SPSB4: variants seen among roughly 807,000 people sequenced by gnomAD.
The protein encoded by SPSB4 is splA/ryanodine receptor domain and SOCS box containing 4, also known as SPRY domain-containing SOCS box protein 4.
SPSB4 carries 21 observed loss-of-function variants against 20.9 expected under a neutral mutation model. The ratio of observed to expected loss-of-function variants is 1.01; its 90% CI spans 0.71 to 1.45. The LOEUF is 1.45. Ranked by LOEUF, SPSB4 falls within the 40% of genes most tolerant of loss-of-function variation. SPSB4 has a pLI of 0.00. For missense variants in SPSB4, 399 were observed against 399.2 expected (o/e 1.00, Z 0.00); for synonymous variants, 207 against 183.8 (o/e 1.13, Z -1.02).
At chr3:141,068,393 C>T (rs1265547058) in intron 2 of SPSB4, among the ~76,000 whole-genome samples, 1 of 152,194 alleles carries the variant, frequency 6.6e-6, no homozygotes, top group Non-Finnish European at 1.5e-5. Flanking sequence ...CCTTCTGAGA[C>T]ATAGTGACCA....
intron 2 of SPSB4, among the ~76,000 whole-genome samples, chr3:141,088,254 C>T (rs759884467): frequency 5.9e-5 from 9 of 152,178 alleles, no homozygotes. Context: ...AAAGGGCGCA[C>T]AGTTAAATGT....
chr3:141,064,959 A>G (rs1937835835), intron 1 of SPSB4, among the ~76,000 whole-genome samples: 1 of 152,196 alleles, frequency 6.6e-6, no homozygotes, highest in African/African-American at 2.4e-5. Context: ...ACCCATCCAA[A>G]GGGAGGGGAT....
At position 141,051,739 on chromosome 3, in the gene SPSB4, C is replaced by A. The variant is rs575723428; in HGVS notation, c.-407C>A. 1 of 152,340 alleles carries A rather than the reference C, an allele frequency of 6.6e-6. No homozygotes were observed. Among genetic ancestry groups the A allele is most frequent in the Non-Finnish European group, 1.5e-5 (1 of 68,212 alleles). The allele number at this position is 152,340 out of a possible 1,614,324, so 9.4% of individuals were successfully genotyped here. On this transcript the variant is annotated 5_prime_UTR_variant, in exon 1 of 3. Coordinates refer to ENST00000310546, the MANE Select transcript of SPSB4 (RefSeq NM_080862.3). The stretch of plus-strand genomic sequence containing the variant: ...GTAAGGCGCTTCCCCACTCCAGGCC[C>A]GACCCCCGGCGCCTGAGCGCCAACT...
chr3:141,074,309 T>C (rs977439908), intron 2 of SPSB4, among the ~76,000 whole-genome samples: 1 of 152,214 alleles, frequency 6.6e-6, no homozygotes, highest in Admixed American at 6.5e-5. Flanking sequence ...AGAAAGTGAC[T>C]GATCTAGTGC....
intron 2 of SPSB4, among the ~76,000 whole-genome samples, chr3:141,067,684 G>A (rs1937916913): frequency 6.6e-6 from 1 of 152,182 alleles, no homozygotes; most frequent in South Asian, 2.1e-4. Context: ...GAGACAGGGT[G>A]GCCTCTGGAC....
At chr3:141,061,994 C>A (rs975635384) in intron 1 of SPSB4, among the ~76,000 whole-genome samples, 1 of 152,202 alleles carries the variant, frequency 6.6e-6, no homozygotes, top group African/African-American at 2.4e-5. Context: ...CTTGGCCTCC[C>A]AAAGTTCTGG....
At chr3:141,064,830 G>T (rs992000316) in intron 1 of SPSB4, among the ~76,000 whole-genome samples, 1 of 152,190 alleles carries the variant, frequency 6.6e-6, no homozygotes, top group African/African-American at 2.4e-5. Context: ...CTTGGGTTCT[G>T]TCTGGTTTCC....
At chr3:141,113,745 G>A (rs1938841145) in intron 2 of SPSB4, among the ~76,000 whole-genome samples, 1 of 152,224 alleles carries the variant, frequency 6.6e-6, no homozygotes, top group African/African-American at 2.4e-5. Flanking sequence ...CTTGACAGAA[G>A]TGACTGTTGA....
At chr3:141,138,301 AT>A (rs1333960166) in intron 2 of SPSB4, among the ~76,000 whole-genome samples, 1 of 152,090 alleles carries the variant, frequency 6.6e-6, no homozygotes, top group Non-Finnish European at 1.5e-5. Flanking sequence ...GGATTCATTG[AT>A]TTTTTGAAGG....
intron 2 of SPSB4, among the ~76,000 whole-genome samples, chr3:141,095,271 A>G (rs1244086804): frequency 6.6e-6 from 1 of 151,974 alleles, no homozygotes; most frequent in Non-Finnish European, 1.5e-5. Flanking sequence ...TCAGGAAGGG[A>G]TTTCCGGGCT....
chr3:141,053,219 G>A (rs1379540159), intron 1 of SPSB4, among the ~76,000 whole-genome samples: 1 of 52,606 alleles, frequency 1.9e-5, no homozygotes, highest in Non-Finnish European at 3.9e-5. Flanking sequence ...CTGGCCCCCT[G>A]CCCCCCACCC....
chr3:141,142,242 A>G lies in SPSB4; in HGVS notation c.695-4900A>G, dbSNP rs141405716. 5.0e-3 allele frequency among the ~76,000 whole-genome samples: 755 copies of G among 152,282 alleles called. 6 individuals carry two copies. Among genetic ancestry groups the G allele is most frequent in the Middle Eastern group, 0.017 (5 of 294 alleles). ...CCAAGAGGTTTTTGTAAGTTGTGTC[A>G]CTATTATCGTTCCATTCAAAGAAAT... On this transcript the variant is annotated intron_variant, in intron 2 of 2. Coordinates refer to ENST00000310546, the MANE Select transcript of SPSB4 (RefSeq NM_080862.3).
intron 2 of SPSB4, among the ~76,000 whole-genome samples, chr3:141,107,347 C>A (rs1388869982): frequency 6.6e-6 from 1 of 152,144 alleles, no homozygotes; most frequent in Non-Finnish European, 1.5e-5. Flanking sequence ...TCGCTTCATT[C>A]ACTGGAAAGG....
chr3:141,060,116 C>A (rs1417190555), intron 1 of SPSB4, among the ~76,000 whole-genome samples: 1 of 152,208 alleles, frequency 6.6e-6, no homozygotes, highest in Non-Finnish European at 1.5e-5. Flanking sequence ...AGTGTGAGCA[C>A]TCTTCAGGAT....
chr3:141,096,786 A>T (rs965141973), intron 2 of SPSB4, among the ~76,000 whole-genome samples: 17 of 152,350 alleles, frequency 1.1e-4, no homozygotes, highest in African/African-American at 4.1e-4. Flanking sequence ...AAAACATATT[A>T]ATTTTAACTT....
intron 2 of SPSB4, among the ~76,000 whole-genome samples, chr3:141,107,721 C>T (rs560945737): frequency 5.7e-4 from 87 of 152,270 alleles, no homozygotes; most frequent in African/African-American, 1.9e-3. Context: ...CTTTGGGAGG[C>T]CAAGACAGGT....
At chr3:141,055,910 A>G (rs2107774010) in intron 1 of SPSB4, among the ~76,000 whole-genome samples, 1 of 152,326 alleles carries the variant, frequency 6.6e-6, no homozygotes. Context: ...GGCTTCTAGT[A>G]GGTAGGTCTT....
At chr3:141,059,880 ATAGT>A (rs1280973991) in intron 1 of SPSB4, among the ~76,000 whole-genome samples, 3 of 152,256 alleles carry the variant, frequency 2.0e-5, no homozygotes, top group Non-Finnish European at 2.9e-5. Context: ...AGGTTAGCAC[ATAGT>A]TAGCAGCACT....
At chr3:141,104,999 C>T (rs1387757159) in intron 2 of SPSB4, among the ~76,000 whole-genome samples, 4 of 152,132 alleles carry the variant, frequency 2.6e-5, no homozygotes, top group East Asian at 1.9e-4. Flanking sequence ...GTTTTACAGA[C>T]GTAGAGAATG....
Sources: gnomAD v4.1 joint callset for allele counts (sites outside exome capture counted in the v4.1 genomes callset) on GRCh38, gnomAD v4.1.1 for gene constraint, MANE v1.5 for transcripts, NCBI Gene and HGNC (gene_info 2026-07-23, HGNC 2026-07-21) for gene names.